AGK: variants seen among roughly 807,000 people sequenced by gnomAD.
The protein encoded by AGK is acylglycerol kinase, mitochondrial.
A neutral mutation model predicts 66.4 loss-of-function variants in AGK; 52 were observed. That is an observed-to-expected ratio of 0.78 (90% CI 0.63 to 0.99). AGK has a LOEUF of 0.99. AGK is among the 50% of genes least tolerant of loss of function. The pLI is 0.00. For synonymous variants in AGK, 182 were observed against 181.1 expected, an observed-to-expected ratio of 1.00 and a Z score of -0.04; for missense variants, 451 against 506.6, an observed-to-expected ratio of 0.89 and a Z score of 1.05.
At chr7:141,590,635 TA>T (rs991998815) in intron 2 of AGK, among the ~76,000 whole-genome samples, 10 of 152,158 alleles carry the variant, frequency 6.6e-5, no homozygotes, top group Non-Finnish European at 1.3e-4. Flanking sequence ...TTATTGTATA[TA>T]AGGTCATAAA....
intron 5 of AGK, 46 bp downstream of exon 5, chr7:141,601,326 T>G (rs756178685): frequency 2.0e-6 from 3 of 1,476,602 alleles, no homozygotes; most frequent in Non-Finnish European, 2.8e-6. Flanking sequence ...CAGCTGCCTC[T>G]TATAACAACC....
At chr7:141,597,890 C>CAAAAAAAAAAAAAAAAA (rs56295907) in intron 4 of AGK, among the ~76,000 whole-genome samples, 3 of 71,444 alleles carry the variant, frequency 4.2e-5, no homozygotes, top group Non-Finnish European at 7.4e-5. Context: ...GACTCTGTCT[C>CAAAAAAAAAAAAAAAAA]AAAAAAAAAA....
intron 9 of AGK, among the ~76,000 whole-genome samples, chr7:141,623,467 T>C (rs1383053291): frequency 6.6e-6 from 1 of 150,890 alleles, no homozygotes; most frequent in African/African-American, 2.4e-5. Context: ...TTTTGTGGTC[T>C]AGATAGAAGA....
At chr7:141,595,701 ATTC>A (rs1209864007) in intron 3 of AGK, among the ~76,000 whole-genome samples, 11 of 152,058 alleles carry the variant, frequency 7.2e-5, no homozygotes, top group African/African-American at 2.7e-4. Flanking sequence ...GTACTTTCCT[ATTC>A]TTTTTGTTGA....
chr7:141,616,912 C>T (rs1430608590), intron 8 of AGK, among the ~76,000 whole-genome samples: 1 of 151,950 alleles, frequency 6.6e-6, no homozygotes, highest in African/African-American at 2.4e-5. Context: ...CGCCCGCCAC[C>T]ACGCCCGGCT....
chr7:141,601,824 T>C (rs1796351222), intron 5 of AGK, among the ~76,000 whole-genome samples: 1 of 152,196 alleles, frequency 6.6e-6, no homozygotes, highest in South Asian at 2.1e-4. Context: ...GGTAAGTACA[T>C]ACATGTGTAT....
intron 14 of AGK, among the ~76,000 whole-genome samples, chr7:141,650,246 C>T (rs1797522911): frequency 6.6e-6 from 1 of 152,224 alleles, no homozygotes; most frequent in Admixed American, 6.5e-5. Context: ...CTTTGATTTT[C>T]TTGCTGTATC....
At position 141,641,833 on chromosome 7, in the gene AGK, G is replaced by A; in HGVS notation, c.900G>A (p.Pro300=). ...PQDALSQEVS[P]EVWKDVQLST... ...CAGCCCTTTCCCAAGAGGTGAGCCC[G>A]GAGGTCTGGAAAGATGTGCAGCTGT... The change falls in exon 13 of 16, where the codon CCG becomes CCA. Residue 300 remains proline (P), a synonymous_variant. Transcript: ENST00000649286. 7 of 1,582,268 alleles carry A rather than the reference G, an allele frequency of 4.4e-6. No individual in the cohort carries two copies. Among genetic ancestry groups the A allele is most frequent in the Middle Eastern group, 3.3e-4 (2 of 6,018 alleles).
chr7:141,603,296 AT>A, intron 5 of AGK, among the ~76,000 whole-genome samples: 1 of 152,034 alleles, frequency 6.6e-6, no homozygotes, highest in Admixed American at 6.6e-5. Context: ...CCATTTTTGC[AT>A]TTTGTATTTT....
At chr7:141,619,095 G>A (rs565177940) in intron 8 of AGK, among the ~76,000 whole-genome samples, 94 of 152,072 alleles carry the variant, frequency 6.2e-4, no homozygotes, top group Non-Finnish European at 1.3e-3. Context: ...TGGATTGTGA[G>A]GCTTCGTACT....
At position 141,633,981 on chromosome 7, in the gene AGK, G is replaced by A; in HGVS notation, c.668+1G>A. The A allele has an allele frequency of 1.2e-6, 2 of 1,612,396 alleles. No individual in the cohort carries two copies. The highest frequency in any genetic ancestry group is 2.2e-5 in the East Asian group (1 of 44,882). ...GAGATGCTGGCGTCAAAGTTAGCAA[G>A]TAAAGGATTACTATATTGATGTGTG... On this transcript the variant is annotated splice_donor_variant, in intron 10 of 15. Transcript: ENST00000649286. LOFTEE classifies it high-confidence loss of function.
chr7:141,586,584 T>C (rs541809524), intron 2 of AGK, among the ~76,000 whole-genome samples: 6 of 152,238 alleles, frequency 3.9e-5, no homozygotes, highest in Admixed American at 2.6e-4. Flanking sequence ...GGAAGGAAAA[T>C]AAGAAAAGCA....
chr7:141,643,072 G>T (rs1797324969), intron 13 of AGK, among the ~76,000 whole-genome samples: 1 of 152,166 alleles, frequency 6.6e-6, no homozygotes, highest in African/African-American at 2.4e-5. Flanking sequence ...GGAATGTCGT[G>T]AAAAGTTTGA....
chr7:141,563,901 G>A (rs1212669785), intron 2 of AGK, among the ~76,000 whole-genome samples: 1 of 152,070 alleles, frequency 6.6e-6, no homozygotes, highest in African/African-American at 2.4e-5. Flanking sequence ...TTTTTCACAT[G>A]TCATTCCTGG....
chr7:141,571,420 C>T (rs577641205), intron 2 of AGK, among the ~76,000 whole-genome samples: 1 of 152,318 alleles, frequency 6.6e-6, no homozygotes, highest in East Asian at 1.9e-4. Context: ...TTAACCAGAT[C>T]CCTAGATGAT....
intron 8 of AGK, among the ~76,000 whole-genome samples, chr7:141,618,515 G>T (rs1391814129): frequency 6.6e-6 from 1 of 152,062 alleles, no homozygotes; most frequent in African/African-American, 2.4e-5. Flanking sequence ...ATTCATTTGG[G>T]GGGACAAACA....
chr7:141,577,269 A>C (rs562422882), intron 2 of AGK, among the ~76,000 whole-genome samples: 4 of 152,170 alleles, frequency 2.6e-5, no homozygotes, highest in Non-Finnish European at 5.9e-5. Context: ...ATTTTCTCTG[A>C]AGCTTGCTAC....
At chr7:141,615,182 T>C (rs190978952) in intron 7 of AGK, among the ~76,000 whole-genome samples, 4 of 152,360 alleles carry the variant, frequency 2.6e-5, no homozygotes, top group Non-Finnish European at 5.9e-5. Context: ...TGCATTGATA[T>C]ATTATCTTCA....
chr7:141,597,939 G>GT (rs1796263568), intron 4 of AGK, among the ~76,000 whole-genome samples: 1 of 139,274 alleles, frequency 7.2e-6, no homozygotes, highest in African/African-American at 2.7e-5. Flanking sequence ...AAGAAAATTA[G>GT]TAAATATGTA....
Sources: allele counts gnomAD v4.1 joint callset (sites outside exome capture counted in the v4.1 genomes callset), GRCh38; gene constraint gnomAD v4.1.1; transcripts MANE v1.5; gene names NCBI Gene and HGNC (gene_info 2026-07-23, HGNC 2026-07-21).